Variants in RMDN2 observed in about 807,000 individuals in gnomAD.
RMDN2 encodes the protein regulator of microtubule dynamics protein 2.
A neutral mutation model predicts 52.8 loss-of-function variants in RMDN2; 61 were observed. The observed-to-expected ratio is 1.16, with a 90% CI of 0.94 to 1.43. The LOEUF (loss-of-function observed/expected upper bound fraction) is 1.43. RMDN2 is among the 40% of genes most tolerant of loss of function. RMDN2 has a pLI of 0.00. For synonymous variants in RMDN2, 180 were observed against 153.1 expected (o/e 1.18, Z -1.30); for missense variants, 592 against 475.3 (o/e 1.25, Z -2.28).
chr2:37,942,274 G>T (rs1346663044), intron 2 of RMDN2, among the ~76,000 whole-genome samples: 1 of 152,146 alleles, frequency 6.6e-6, no homozygotes, highest in Non-Finnish European at 1.5e-5. Context: ...AGGTACCTCA[G>T]TTGGAAATGC....
chr2:37,964,439 C>T (rs2125032826), intron 2 of RMDN2, among the ~76,000 whole-genome samples: 1 of 152,206 alleles, frequency 6.6e-6, no homozygotes, highest in South Asian at 2.1e-4. Flanking sequence ...ATCTTTGGCC[C>T]ATTGGTTGTT....
intron 7 of RMDN2, among the ~76,000 whole-genome samples, chr2:37,991,877 A>G (rs541008025): frequency 6.6e-6 from 1 of 152,376 alleles, no homozygotes; most frequent in African/African-American, 2.4e-5. Context: ...AAATGACACT[A>G]TTAGTTTATA....
chr2:38,049,492 T>G (rs1017865033), intron 10 of RMDN2, among the ~76,000 whole-genome samples: 3 of 152,218 alleles, frequency 2.0e-5, no homozygotes, highest in African/African-American at 7.2e-5. Flanking sequence ...TATTACCATT[T>G]TTTACACATT....
intron 6 of RMDN2, among the ~76,000 whole-genome samples, chr2:37,989,973 CT>C (rs1246488490): frequency 4.6e-5 from 7 of 151,816 alleles, no homozygotes; most frequent in African/African-American, 1.7e-4. Flanking sequence ...GAAGCCCCAT[CT>C]CTACTAAAAA....
chr2:38,056,826 T>A (rs938570935), intron 10 of RMDN2, among the ~76,000 whole-genome samples: 1 of 152,184 alleles, frequency 6.6e-6, no homozygotes, highest in Non-Finnish European at 1.5e-5. Context: ...CTTTTTTCAG[T>A]TTTGTTTTAG....
intron 10 of RMDN2, among the ~76,000 whole-genome samples, chr2:38,023,605 T>G (rs1419680597): frequency 6.6e-6 from 1 of 152,190 alleles, no homozygotes; most frequent in South Asian, 2.1e-4. Context: ...GGTTTGGTTA[T>G]GGACTTTGTG....
intron 2 of RMDN2, among the ~76,000 whole-genome samples, chr2:37,963,807 G>A (rs1203227238): frequency 3.3e-5 from 5 of 152,132 alleles, no homozygotes; most frequent in Admixed American, 2.0e-4. Flanking sequence ...CGTCATCATG[G>A]CCCGTTCTCA....
chr2:37,969,657 TTTTG>T (rs1031886493), intron 2 of RMDN2, among the ~76,000 whole-genome samples: 2 of 152,020 alleles, frequency 1.3e-5, no homozygotes, highest in Admixed American at 6.6e-5. Context: ...TTATTATAAT[TTTTG>T]TTTTTCTTTT....
chr2:37,965,512 C>T (rs1386331583), intron 2 of RMDN2, among the ~76,000 whole-genome samples: 1 of 151,966 alleles, frequency 6.6e-6, no homozygotes, highest in African/African-American at 2.4e-5. Flanking sequence ...TTTCCAGCTC[C>T]ACCACCCATG....
Position 38,017,402 on chromosome 2 carries a change from A to G in RMDN2, c.*163A>G. On this transcript the variant is annotated 3_prime_UTR_variant, in exon 11 of 11. Transcript: ENST00000354545. ...AATGCATTCCACTAGTAGCACTACA[A>G]AATTAATTATGTTATTTGGAGAATC... 1 of 1,347,330 alleles carries G rather than the reference A, an allele frequency of 7.4e-7. No homozygotes were observed. The highest frequency in any genetic ancestry group is 2.1e-4 in the Middle Eastern group (1 of 4,870). 83.5% of individuals were successfully genotyped at this position (1,347,330 alleles called of 1,614,324 possible).
At chr2:38,038,611 A>G (rs1048906979) in intron 10 of RMDN2, among the ~76,000 whole-genome samples, 1 of 152,214 alleles carries the variant, frequency 6.6e-6, no homozygotes, top group Non-Finnish European at 1.5e-5. Context: ...GAGCTACGCT[A>G]GGGCCAAACC....
At chr2:37,940,273 C>T (rs1248618579) in intron 2 of RMDN2, among the ~76,000 whole-genome samples, 1 of 152,178 alleles carries the variant, frequency 6.6e-6, no homozygotes, top group Non-Finnish European at 1.5e-5. Context: ...CTGGGCTTCC[C>T]TTTGTGGGTA....
chr2:37,981,357 AT>A lies in RMDN2; in HGVS notation c.791+17del. 1 of 1,559,116 alleles carries A rather than the reference AT, an allele frequency of 6.4e-7. No individual in the cohort carries two copies. Among genetic ancestry groups the A allele is most frequent in the Non-Finnish European group, 8.8e-7 (1 of 1,132,614 alleles). ...TTGTCATCTGTGGTAAGTGTATAGG[AT>A]TTATGCAGTCTTTTAAATTCTAACC... On this transcript the variant is annotated intron_variant, in intron 5 of 10. Transcript: ENST00000354545.
chr2:37,951,803 T>C, intron 2 of RMDN2: 1 of 1,613,612 alleles, frequency 6.2e-7, no homozygotes, highest in Non-Finnish European at 8.5e-7. Context: ...ACACTACTTC[T>C]CCAGCCTTTG....
Position 38,017,266 on chromosome 2 carries a change from C to A in RMDN2, c.*27C>A. 1.3e-6 allele frequency: 2 copies of A among 1,493,178 alleles called. No homozygotes were observed. Among genetic ancestry groups the A allele is most frequent in the South Asian group, 1.4e-5 (1 of 73,022 alleles). The allele number at this position is 1,493,178 out of a possible 1,614,324, so 92.5% of individuals were successfully genotyped here. A position where few individuals can be genotyped will look rare whatever the true frequency, so the allele number is the denominator to read the frequency against. On this transcript the variant is annotated 3_prime_UTR_variant, in exon 11 of 11. Coordinates refer to ENST00000354545, the MANE Select transcript of RMDN2 (RefSeq NM_001170791.3). ...TAAACGAATTTACTCTTCAACAAAT[C>A]AGATGTGGTCTACCAAAATTTAAAT...
At chr2:38,066,329 C>A (rs536243947) in intron 10 of RMDN2, among the ~76,000 whole-genome samples, 9 of 152,340 alleles carry the variant, frequency 5.9e-5, no homozygotes, top group Non-Finnish European at 5.9e-5. Flanking sequence ...AGAGGTGCTA[C>A]AAGCATGAGC....
chr2:37,961,212 T>C (rs1312745726), intron 2 of RMDN2, among the ~76,000 whole-genome samples: 1 of 152,134 alleles, frequency 6.6e-6, no homozygotes, highest in African/African-American at 2.4e-5. Context: ...TTCTCTGTAT[T>C]TTCCGAATTT....
intron 8 of RMDN2, among the ~76,000 whole-genome samples, chr2:38,000,859 G>T (rs192414586): frequency 1.1e-4 from 16 of 152,274 alleles, no homozygotes; most frequent in Non-Finnish European, 2.4e-4. Context: ...AAGAACCTAG[G>T]GGTGGAATTG....
intron 10 of RMDN2, among the ~76,000 whole-genome samples, chr2:38,046,851 C>T (rs866694984): frequency 3.3e-5 from 5 of 151,792 alleles, no homozygotes; most frequent in Middle Eastern, 3.2e-3. Flanking sequence ...GGCCTAGTGG[C>T]GGGTGCCTGT....
Sources: allele counts gnomAD v4.1 joint callset (sites outside exome capture counted in the v4.1 genomes callset), GRCh38; gene constraint gnomAD v4.1.1; transcripts MANE v1.5; gene names NCBI Gene and HGNC (gene_info 2026-07-23, HGNC 2026-07-21).